The following CLSTN1 variants were observed in gnomAD, a reference collection of about 807,000 sequenced individuals.
CLSTN1 encodes calsyntenin-1.
Under a neutral mutation model 108.3 loss-of-function variants are expected in CLSTN1, and 28 were observed. That is an observed-to-expected ratio of 0.26 (90% CI 0.19 to 0.35). CLSTN1 has a LOEUF of 0.35. Among genes scored for constraint, CLSTN1 ranks in the 10% least tolerant of loss-of-function variants. The probability of loss-of-function intolerance (pLI) is 1.00; values close to 1 mark genes in which losing one functional copy is unlikely to be tolerated. For missense variants in CLSTN1, 1,157 were observed against 1,302.6 expected (o/e 0.89, Z 1.72); for synonymous variants, 524 against 534.9 (o/e 0.98, Z 0.28).
In CLSTN1 at chr1:9,744,007, T is replaced by G. The variant is rs1651122386; in HGVS notation, c.1235-2A>C. The G allele has an allele frequency of 6.2e-7, 1 of 1,612,920 alleles. No homozygotes were observed. The highest frequency in any genetic ancestry group is 8.5e-7 in the Non-Finnish European group (1 of 1,179,392). ...GGGAGTAGTGGTGCCGATTCATATC[T>G]GCAAAGGCAGTTTCTATGGGTAAAT... is the stretch of plus-strand genomic sequence containing the variant. On this transcript the variant is annotated splice_acceptor_variant, in intron 8 of 18. Coordinates refer to ENST00000377298, the MANE Select transcript of CLSTN1 (RefSeq NM_001009566.3). LOFTEE classifies it high-confidence loss of function.
chr1:9,758,891 C>G (rs367771655), intron 2 of CLSTN1, among the ~76,000 whole-genome samples: 1 of 152,162 alleles, frequency 6.6e-6, no homozygotes. Context: ...TGCTGCTGCA[C>G]GTCTACAAGA....
At chr1:9,744,756 C>CTT (rs796964858) in intron 7 of CLSTN1, 113 bp from the exon 8 acceptor site, 272 of 1,042,718 alleles carry the variant, frequency 2.6e-4, no homozygotes, top group Middle Eastern at 3.5e-4. Flanking sequence ...CTCCAGTTTA[C>CTT]TTTTTTTTTT....
chr1:9,754,371 C>G (rs1321297002), intron 4 of CLSTN1, among the ~76,000 whole-genome samples: 1 of 151,896 alleles, frequency 6.6e-6, no homozygotes, highest in Admixed American at 6.6e-5. Context: ...ACCAGCCTGG[C>G]CAACATGGTG....
chr1:9,815,692 T>C (rs755241227), intron 1 of CLSTN1, among the ~76,000 whole-genome samples: 1 of 152,128 alleles, frequency 6.6e-6, no homozygotes, highest in Non-Finnish European at 1.5e-5. Context: ...TCCCGGCACT[T>C]TGGAAGGCCA....
At position 9,817,514 on chromosome 1, in the gene CLSTN1, G is replaced by T. The variant is rs934255899; in HGVS notation, c.91+6129C>A. ...GGCTAATTTTATATTTTTTAGTAGAGATGGGGTTTCTCCATGTTGGTCAGG... is the reference window on the plus strand; with the variant it reads ...GGCTAATTTTATATTTTTTAGTAGATATGGGGTTTCTCCATGTTGGTCAGG... On this transcript the variant is annotated intron_variant, in intron 1 of 18. Transcript: ENST00000377298. Among the ~76,000 whole-genome samples, 26 of 152,086 alleles carry T rather than the reference G, an allele frequency of 1.7e-4. 1 individual carries two copies. Among genetic ancestry groups the T allele is most frequent in the Admixed American group, 1.4e-3 (21 of 15,256 alleles).
intron 1 of CLSTN1, among the ~76,000 whole-genome samples, chr1:9,795,902 C>T (rs201839831): frequency 6.7e-6 from 1 of 149,476 alleles, no homozygotes; most frequent in East Asian, 2.0e-4. Context: ...CTGCAGTGAG[C>T]GATGATCACA....
At chr1:9,741,029 C>A in intron 10 of CLSTN1, 65 bp downstream of exon 10, 1 of 1,544,914 alleles carries the variant, frequency 6.5e-7, no homozygotes, top group South Asian at 1.2e-5. Context: ...CAGCCTGCTG[C>A]CACCAACCTA....
At chr1:9,737,342 A>C (rs1650747479) in intron 11 of CLSTN1, among the ~76,000 whole-genome samples, 156 bp downstream of exon 11, 1 of 152,112 alleles carries the variant, frequency 6.6e-6, no homozygotes, top group African/African-American at 2.4e-5. Context: ...GAATAAGGGA[A>C]CTCCATGAAG....
intron 2 of CLSTN1, among the ~76,000 whole-genome samples, chr1:9,758,872 G>T (rs1289443929): frequency 6.6e-6 from 1 of 152,124 alleles, no homozygotes; most frequent in African/African-American, 2.4e-5. Flanking sequence ...GATTATTTCG[G>T]TCCCTGCTTG....
chr1:9,773,985 G>T (rs759959425), intron 1 of CLSTN1, among the ~76,000 whole-genome samples: 1 of 151,164 alleles, frequency 6.6e-6, no homozygotes, highest in Non-Finnish European at 1.5e-5. Flanking sequence ...CAAGTGATCC[G>T]CCTGCCTTGG....
At position 9,729,567 on chromosome 1, in the gene CLSTN1, T is replaced by C. The variant is rs533725338; in HGVS notation, c.*941A>G. On this transcript the variant is annotated 3_prime_UTR_variant, in exon 19 of 19. Coordinates refer to ENST00000377298, the MANE Select transcript of CLSTN1 (RefSeq NM_001009566.3). ...CTCCAAAAGGAGTGGTCAGCCGGTC[T>C]GCAGGACACCTCTCAGTTTCTCCTT... 1 of 152,816 alleles carries C rather than the reference T, an allele frequency of 6.5e-6. No individual in the cohort carries two copies. Among genetic ancestry groups the C allele is most frequent in the African/African-American group, 2.4e-5 (1 of 41,586 alleles). The allele number at this position is 152,816 out of a possible 1,614,324, so 9.5% of individuals were successfully genotyped here. A position where few individuals can be genotyped will look rare whatever the true frequency, so the allele number is the denominator to read the frequency against.
At position 9,735,074 on chromosome 1, in the gene CLSTN1, G is replaced by T. The variant is rs757997283; in HGVS notation, c.1984C>A (p.His662Asn). The change falls in exon 14 of 19, where the codon CAT (histidine) becomes AAT (asparagine). Residue 662 changes from histidine (H) to asparagine (N), a missense_variant. Physicochemically the swap from His to Asn is moderately conservative, Grantham distance 68. Transcript: ENST00000377298. ...AATTCAGAAGCTGCTCGGGCAAAAT[G>T]GTGGACGCCACTCAGGCTGATCTTG... The part of the protein sequence containing the change: ...EPKISLSGVH[H>N]FARAASEFES... 3.1e-6 allele frequency: 5 copies of T among 1,614,134 alleles called. No homozygotes were observed. Among genetic ancestry groups the T allele is most frequent in the Non-Finnish European group, 4.2e-6 (5 of 1,180,046 alleles).
At chr1:9,731,978 A>G in intron 16 of CLSTN1, 82 bp from the exon 17 acceptor site, 1 of 1,564,848 alleles carries the variant, frequency 6.4e-7, no homozygotes, top group Non-Finnish European at 8.8e-7. Flanking sequence ...CGCAGCTGGC[A>G]TGACCAGTGC....
intron 1 of CLSTN1, among the ~76,000 whole-genome samples, chr1:9,776,845 C>G (rs148306084): frequency 2.7e-5 from 4 of 149,026 alleles, no homozygotes; most frequent in African/African-American, 1.0e-4. Context: ...CAGCATTTAT[C>G]TATCATCTAT....
At position 9,730,864 on chromosome 1, in the gene CLSTN1, G is replaced by T. The variant is rs770959190; in HGVS notation, c.2749-159C>A. 2.6e-5 allele frequency among the ~76,000 whole-genome samples: 4 copies of T among 152,162 alleles called. No homozygotes were observed. The highest frequency in any genetic ancestry group is 5.9e-5 in the Non-Finnish European group (4 of 68,024). On this transcript the variant is annotated intron_variant, in intron 18 of 18. Coordinates refer to ENST00000377298, the MANE Select transcript of CLSTN1 (RefSeq NM_001009566.3). This position sits in a 1 kb window ranked among gnomAD's most constrained non-coding sequence, Gnocchi z 5.6. ...GACGGCACCGGAAGTTATATTAGAA[G>T]TGAAGGGAAAACAAAGCTCCAGTCA...
chr1:9,794,051 T>C (rs894418282), intron 1 of CLSTN1, among the ~76,000 whole-genome samples: 2 of 151,308 alleles, frequency 1.3e-5, no homozygotes, highest in African/African-American at 4.8e-5. Flanking sequence ...AATAAACTAA[T>C]TGGAGGGGGA....
chr1:9,751,437 T>C, intron 5 of CLSTN1, 36 bp downstream of exon 5: 1 of 1,603,556 alleles, frequency 6.2e-7, no homozygotes, highest in Non-Finnish European at 8.5e-7. Context: ...GCAGGGACTG[T>C]CTACCTAGCT....
intron 2 of CLSTN1, among the ~76,000 whole-genome samples, chr1:9,758,886 C>T (rs1255873804): frequency 6.6e-6 from 1 of 152,172 alleles, no homozygotes; most frequent in Non-Finnish European, 1.5e-5. Flanking sequence ...CTGCTTGCTG[C>T]TGCACGTCTA....
chr1:9,748,491 C>T (rs1336048294), intron 7 of CLSTN1, among the ~76,000 whole-genome samples: 3 of 151,990 alleles, frequency 2.0e-5, no homozygotes, highest in Admixed American at 2.0e-4. Context: ...CTATATTTTT[C>T]CTTCAGTTCT....
Sources: gnomAD v4.1 joint callset for allele counts (sites outside exome capture counted in the v4.1 genomes callset) on GRCh38, gnomAD v4.1.1 for gene constraint, Gnocchi (gnomAD v3.1) non-coding constraint, MANE v1.5 for transcripts, NCBI Gene and HGNC (gene_info 2026-07-23, HGNC 2026-07-21) for gene names.